Variants in PRKN observed in about 807,000 individuals in gnomAD.
PRKN encodes E3 ubiquitin-protein ligase parkin.
A neutral mutation model predicts 59.5 loss-of-function variants in PRKN; 56 were observed. The ratio of observed to expected loss-of-function variants is 0.94; its 90% CI spans 0.76 to 1.18. The LOEUF (loss-of-function observed/expected upper bound fraction) is 1.18. Among genes scored for constraint, PRKN ranks in the 50% most tolerant of loss-of-function variants. The pLI is 0.00. For missense variants in PRKN, 657 were observed against 596.4 expected (o/e 1.10, Z -1.06); for synonymous variants, 250 against 222.1 (o/e 1.13, Z -1.12).
At chr6:161,558,064 G>A (rs892295525) in intron 8 of PRKN, among the ~76,000 whole-genome samples, 6 of 152,244 alleles carry the variant, frequency 3.9e-5, no homozygotes, top group South Asian at 2.1e-4. Flanking sequence ...ACCAAACCAC[G>A]GCACCGACAC....
intron 4 of PRKN, among the ~76,000 whole-genome samples, chr6:162,140,935 T>C (rs1203904185): frequency 6.6e-6 from 1 of 152,082 alleles, no homozygotes; most frequent in Admixed American, 6.6e-5. Context: ...GAGACCATCC[T>C]GGCTAACACG....
At chr6:162,443,692 G>A (rs1457193080) in intron 1 of PRKN, among the ~76,000 whole-genome samples, 1 of 152,110 alleles carries the variant, frequency 6.6e-6, no homozygotes, top group East Asian at 1.9e-4. Context: ...ATTCGTCAGT[G>A]ACCTGCAAAC....
Position 161,630,696 on chromosome 6 carries a change from GTCA to G in PRKN, c.872-61283_872-61281del, listed in dbSNP as rs1348944949. On this transcript the variant is annotated intron_variant, in intron 7 of 11. Transcript: ENST00000366898. Reference sequence around the variant, plus strand: ...CCGCAGGCATCCACGGTTTTCTCTTGTCATCATCATCATCAGTGAAGATGTTTG... The same window carrying G: ...CCGCAGGCATCCACGGTTTTCTCTTGTCATCATCATCAGTGAAGATGTTTG... 3.9e-5 allele frequency among the ~76,000 whole-genome samples: 6 copies of G among 152,048 alleles called. No homozygotes were observed. In the South Asian group the frequency reaches 8.3e-4, roughly 21 times the overall value.
At chr6:162,502,198 T>C (rs200471363) in intron 1 of PRKN, among the ~76,000 whole-genome samples, 3 of 152,156 alleles carry the variant, frequency 2.0e-5, no homozygotes, top group East Asian at 1.9e-4. Context: ...GTCTCTTCTG[T>C]TGCCCAAGCT....
chr6:161,712,253 C>T (rs900484522), intron 7 of PRKN, among the ~76,000 whole-genome samples: 26 of 152,136 alleles, frequency 1.7e-4, no homozygotes, highest in Admixed American at 9.8e-4. Context: ...GGAGTCACTA[C>T]TGACACTTAA....
At chr6:162,128,333 A>C (rs1004971706) in intron 4 of PRKN, among the ~76,000 whole-genome samples, 3 of 152,168 alleles carry the variant, frequency 2.0e-5, no homozygotes, top group Admixed American at 2.0e-4. Context: ...TGTTTTGCAT[A>C]TATTTGTGTT....
chr6:161,408,476 G>A (rs901488069), intron 9 of PRKN, among the ~76,000 whole-genome samples: 10 of 140,956 alleles, frequency 7.1e-5, no homozygotes. Context: ...TGTTTTCTAG[G>A]TTTTCCTTTT....
chr6:162,567,670 T>C (rs945294312), intron 1 of PRKN, among the ~76,000 whole-genome samples: 2 of 152,170 alleles, frequency 1.3e-5, no homozygotes, highest in Admixed American at 6.6e-5. Context: ...AATCCAATAT[T>C]GTTAAAATGT....
At chr6:162,395,370 G>C (rs1787423694) in intron 2 of PRKN, among the ~76,000 whole-genome samples, 1 of 152,212 alleles carries the variant, frequency 6.6e-6, no homozygotes, top group Non-Finnish European at 1.5e-5. Context: ...GGTCCAAACA[G>C]AGAAGAACTG....
rs142876925 is a variant in PRKN, at chr6:162,017,944, C to T, written c.618+36147G>A. ...CTATGTGTCTTGCTGAGGTAGCTGGCTGTCTATGTGCAATGAGCACCATGA... is the reference window on the plus strand; with the variant it reads ...CTATGTGTCTTGCTGAGGTAGCTGGTTGTCTATGTGCAATGAGCACCATGA... On this transcript the variant is annotated intron_variant, in intron 5 of 11. Transcript: ENST00000366898. Among the ~76,000 whole-genome samples, 464 of 152,300 alleles carry T rather than the reference C, an allele frequency of 3.0e-3. 1 individual carries two copies. Among genetic ancestry groups the T allele is most frequent in the African/African-American group, 0.011 (439 of 41,564 alleles).
intron 4 of PRKN, among the ~76,000 whole-genome samples, chr6:162,101,671 C>CT (rs1174560160): frequency 1.2e-4 from 18 of 150,444 alleles, no homozygotes; most frequent in Admixed American, 1.1e-3. Context: ...GACTCCGTCT[C>CT]TAAAAAAAAA....
chr6:162,168,761 C>T (rs1360716787), intron 4 of PRKN, among the ~76,000 whole-genome samples: 3 of 151,782 alleles, frequency 2.0e-5, no homozygotes, highest in Non-Finnish European at 2.9e-5. Context: ...TCATTGTACA[C>T]TGAAAAGTAG....
chr6:162,157,393 C>T (rs1782558749), intron 4 of PRKN, among the ~76,000 whole-genome samples: 1 of 151,952 alleles, frequency 6.6e-6, no homozygotes. Context: ...CTCACTTCCT[C>T]ATCAAGGTTA....
At chr6:161,572,412 A>G (rs1362720659) in intron 7 of PRKN, among the ~76,000 whole-genome samples, 3 of 152,164 alleles carry the variant, frequency 2.0e-5, no homozygotes, top group Non-Finnish European at 4.4e-5. Flanking sequence ...CTGTAATCCC[A>G]GGACTTTGGG....
intron 5 of PRKN, among the ~76,000 whole-genome samples, chr6:162,013,005 T>C (rs1782795580): frequency 6.6e-6 from 1 of 152,172 alleles, no homozygotes; most frequent in Non-Finnish European, 1.5e-5. Context: ...TATGCAAATA[T>C]TCTGCTGTTA....
chr6:161,867,187 T>A (rs537387076), intron 6 of PRKN, among the ~76,000 whole-genome samples: 9 of 152,218 alleles, frequency 5.9e-5, no homozygotes, highest in Non-Finnish European at 1.2e-4. Context: ...ACCCTTAGAA[T>A]TAACTGTTTT....
intron 2 of PRKN, among the ~76,000 whole-genome samples, chr6:162,370,123 T>C (rs1260965516): frequency 7.2e-5 from 11 of 152,220 alleles, no homozygotes; most frequent in Non-Finnish European, 7.3e-5. Context: ...CAAATTTCAC[T>C]GTAGTCGAAA....
At chr6:162,283,180 C>T (rs995964990) in intron 2 of PRKN, among the ~76,000 whole-genome samples, 7 of 152,132 alleles carry the variant, frequency 4.6e-5, no homozygotes, top group African/African-American at 1.7e-4. Context: ...ATTTTACACA[C>T]AGTTATTTAT....
intron 5 of PRKN, among the ~76,000 whole-genome samples, chr6:161,991,480 A>G (rs1583450288): frequency 6.6e-6 from 1 of 152,234 alleles, no homozygotes; most frequent in East Asian, 1.9e-4. Flanking sequence ...CTCATTAATA[A>G]TAACTTCAAA....
Sources: gnomAD v4.1 joint callset for allele counts (sites outside exome capture counted in the v4.1 genomes callset) on GRCh38, gnomAD v4.1.1 for gene constraint, MANE v1.5 for transcripts, NCBI Gene and HGNC (gene_info 2026-07-23, HGNC 2026-07-21) for gene names.